ASXL3: variants seen among roughly 807,000 people sequenced by gnomAD.
The protein encoded by ASXL3 is ASXL transcriptional regulator 3, also known as putative Polycomb group protein ASXL3.
A neutral mutation model predicts 170.6 loss-of-function variants in ASXL3; 34 were observed. The observed-to-expected ratio is 0.20, with a 90% confidence interval of 0.15 to 0.27. The LOEUF (loss-of-function observed/expected upper bound fraction) is 0.27, where lower values mean the gene tolerates loss of function less well. Ranked by LOEUF, ASXL3 falls within the 10% of genes least tolerant of loss-of-function variation. The pLI is 1.00. For missense variants in ASXL3, 2,592 were observed against 2,695.3 expected, an observed-to-expected ratio of 0.96 and a Z score of 0.85; for synonymous variants, 1,002 against 989.1, an observed-to-expected ratio of 1.01 and a Z score of -0.24.
At position 33,738,984 on chromosome 18, in the gene ASXL3, A is replaced by G. The variant is rs1317423172; in HGVS notation, c.1580A>G (p.Gln527Arg). Reference sequence around the variant, plus strand: ...ATAGAAGGGAAGTCAGAATCACCCCAGGAAGAAATGACAGTTGTTATCGAT... The same window carrying G: ...ATAGAAGGGAAGTCAGAATCACCCCGGGAAGAAATGACAGTTGTTATCGAT... ...VKIEGKSESP[Q>R]EEMTVVIDQL... is the part of the protein sequence containing the mutation. Residue 527 changes from glutamine to arginine, a missense_variant, in exon 11 of 12, where the codon CAG becomes CGG. Physicochemically the swap from Gln to Arg is conservative, Grantham distance 43 (BLOSUM62 1). Around this residue, in one of 4 missense-constraint regions of ASXL3, gnomAD observed 2,246 missense variants for 2,219.6 expected, o/e 1.01. Transcript: ENST00000269197. The G allele has an allele frequency of 2.5e-5, 40 of 1,613,824 alleles. No individual in the cohort carries two copies. The highest frequency in any genetic ancestry group is 3.2e-5 in the Non-Finnish European group (38 of 1,179,846).
intron 4 of ASXL3, among the ~76,000 whole-genome samples, chr18:33,656,578 A>C (rs2066087816): frequency 6.6e-6 from 1 of 152,094 alleles, no homozygotes; most frequent in African/African-American, 2.4e-5. Flanking sequence ...TGTGATTTCT[A>C]ATTTTGACTT....
rs566775990 is a variant in ASXL3, at chr18:33,634,490, C to T, written c.138-10404C>T. On this transcript the variant is annotated intron_variant, in intron 2 of 11. Coordinates refer to ENST00000269197, the MANE Select transcript of ASXL3 (RefSeq NM_030632.3). ...AGGGGAAATATATCTAAATCTATAG[C>T]TATAACCTATTGAACATTTAAGTTA... Among the ~76,000 whole-genome samples, 4 of 152,152 alleles carry T rather than the reference C, an allele frequency of 2.6e-5. No homozygotes were observed. The South Asian group carries it at 8.3e-4, about 32-fold the overall frequency.
rs1161164636 is a variant in ASXL3, at chr18:33,739,548, A to C, written c.2144A>C (p.Glu715Ala). 1 of 1,613,862 alleles carries C rather than the reference A, an allele frequency of 6.2e-7. No individual in the cohort carries two copies. The highest frequency in any genetic ancestry group is 8.5e-7 in the Non-Finnish European group (1 of 1,179,872). Residue 715 changes from glutamate (E) to alanine (A), a missense_variant, in exon 11 of 12, where the codon GAA becomes GCA. This residue lies in a region of ASXL3 where 2,246 missense variants were observed against 2,219.6 expected (regional missense o/e 1.01). Transcript: ENST00000269197. ...GTATCCAACTTACCTTTAACATCAG[A>C]AACCTCACCGATGTCTGACTTACCT... ...SPVSNLPLTS[E>A]TSPMSDLPLT...
intron 2 of ASXL3, among the ~76,000 whole-genome samples, chr18:33,620,512 A>C (rs1486149872): frequency 6.6e-6 from 1 of 152,170 alleles, no homozygotes; most frequent in African/African-American, 2.4e-5. Flanking sequence ...AGGAATTGCC[A>C]AAGTTTTTAC....
chr18:33,657,359 G>A (rs770715567), intron 4 of ASXL3, among the ~76,000 whole-genome samples: 10 of 152,060 alleles, frequency 6.6e-5, no homozygotes, highest in Non-Finnish European at 1.3e-4. Context: ...AGGCTGGCAG[G>A]ATGTGAGACA....
rs570686199 is a variant in ASXL3 at position 33,746,934 on chromosome 18, G to A, written c.*339G>A. ...GGACATTTTTAATTACTTAATAACCGGAAATGCAGATGTGTAAGGAGAATG... is the reference window on the plus strand; with the variant it reads ...GGACATTTTTAATTACTTAATAACCAGAAATGCAGATGTGTAAGGAGAATG... On this transcript the variant is annotated 3_prime_UTR_variant, in exon 12 of 12. Transcript: ENST00000269197. 9.4e-5 allele frequency: 19 copies of A among 201,848 alleles called. No individual in the cohort carries two copies. The East Asian group carries it at 1.9e-3, about 20-fold the overall frequency. 12.5% of individuals were successfully genotyped at this position (201,848 alleles called of 1,614,324 possible).
intron 4 of ASXL3, among the ~76,000 whole-genome samples, chr18:33,654,787 A>G (rs1346784011): frequency 1.3e-5 from 2 of 151,992 alleles, no homozygotes; most frequent in Non-Finnish European, 2.9e-5. Flanking sequence ...TGTTGGTTCT[A>G]TGGTAGGAGG....
intron 4 of ASXL3, among the ~76,000 whole-genome samples, chr18:33,653,964 A>T (rs1334087615): frequency 6.6e-6 from 1 of 151,852 alleles, no homozygotes; most frequent in Admixed American, 6.6e-5. Flanking sequence ...TTACTTACAG[A>T]CACTTTTCAT....
intron 1 of ASXL3, among the ~76,000 whole-genome samples, chr18:33,589,330 A>C (rs1383810622): frequency 6.6e-6 from 1 of 152,188 alleles, no homozygotes; most frequent in Admixed American, 6.5e-5. Flanking sequence ...GGTAGCTTCC[A>C]TCTTATGAAG....
chr18:33,728,513 A>G lies in ASXL3; in HGVS notation c.880-3455A>G, dbSNP rs184411096. On this transcript the variant is annotated intron_variant, in intron 8 of 11. Transcript: ENST00000269197. The stretch of plus-strand genomic sequence containing the variant: ...GAAAAATTTCAGATTTCATAGAGGT[A>G]TATCATTTATATGACTATCTTGTCC... 9.8e-5 allele frequency among the ~76,000 whole-genome samples: 15 copies of G among 152,322 alleles called. 1 individual carries two copies. The East Asian group carries it at 2.9e-3, about 29-fold the overall frequency.
At chr18:33,653,354 A>G (rs1049819929) in intron 4 of ASXL3, among the ~76,000 whole-genome samples, 2 of 152,008 alleles carry the variant, frequency 1.3e-5, no homozygotes, top group African/African-American at 4.8e-5. Flanking sequence ...CAGGTCCCCT[A>G]ATTTTGGGAG....
In ASXL3 at chr18:33,751,010, GTTT is replaced by G. The variant is rs1314747176; in HGVS notation, c.*4419_*4421del. On this transcript the variant is annotated 3_prime_UTR_variant, in exon 12 of 12. Coordinates refer to ENST00000269197, the MANE Select transcript of ASXL3 (RefSeq NM_030632.3). ...CATGCATTCTTTAATGGTGCTGTTT[GTTT>G]TTTATTTCTTTTCTACAAAGAAAAC... 1 of 150,198 alleles carries G rather than the reference GTTT, an allele frequency of 6.7e-6. No homozygotes were observed. Among genetic ancestry groups the G allele is most frequent in the African/African-American group, 2.5e-5 (1 of 40,104 alleles). The allele number at this position is 150,198 out of a possible 1,614,324, so 9.3% of individuals were successfully genotyped here.
intron 4 of ASXL3, among the ~76,000 whole-genome samples, chr18:33,656,999 G>T (rs1257303738): frequency 2.0e-5 from 3 of 152,078 alleles, no homozygotes; most frequent in Non-Finnish European, 4.4e-5. Context: ...TAGATCGACT[G>T]CTCTGTGCCC....
intron 1 of ASXL3, among the ~76,000 whole-genome samples, chr18:33,603,925 T>C (rs1257807935): frequency 1.3e-5 from 2 of 152,098 alleles, no homozygotes; most frequent in Admixed American, 6.6e-5. Context: ...CAGTGATATG[T>C]GGCCAGTGGT....
chr18:33,669,106 T>C (rs1490949002), intron 5 of ASXL3, among the ~76,000 whole-genome samples: 1 of 152,184 alleles, frequency 6.6e-6, no homozygotes, highest in Non-Finnish European at 1.5e-5. Context: ...TTCTGTTTTA[T>C]TATTGATTGA....
At chr18:33,719,945 C>T (rs1351261359) in intron 8 of ASXL3, among the ~76,000 whole-genome samples, 1 of 152,030 alleles carries the variant, frequency 6.6e-6, no homozygotes. Context: ...AGGCACCCAT[C>T]TTCAGGGTTG....
intron 10 of ASXL3, 39 bp downstream of exon 10, chr18:33,734,454 G>T: frequency 7.4e-7 from 1 of 1,357,298 alleles, no homozygotes; most frequent in Non-Finnish European, 1.0e-6. Flanking sequence ...CTCTGAGAAA[G>T]AAATGAAAAT....
chr18:33,633,004 C>G (rs909065184), intron 2 of ASXL3, among the ~76,000 whole-genome samples: 1 of 152,194 alleles, frequency 6.6e-6, no homozygotes, highest in African/African-American at 2.4e-5. Flanking sequence ...TCTTCTACTC[C>G]TCGCTCTGGA....
intron 1 of ASXL3, among the ~76,000 whole-genome samples, chr18:33,581,293 A>G (rs896308769): frequency 5.9e-5 from 9 of 152,132 alleles, no homozygotes; most frequent in Admixed American, 1.3e-4. Context: ...CCTTTTCTTC[A>G]TCAAATATTA....
Sources: allele counts gnomAD v4.1 joint callset (sites outside exome capture counted in the v4.1 genomes callset), GRCh38; gene constraint gnomAD v4.1.1; regional missense constraint gnomAD v4.1.1; transcripts MANE v1.5; gene names NCBI Gene and HGNC (gene_info 2026-07-23, HGNC 2026-07-21).